The following JAK1 variants were observed in gnomAD, a reference collection of about 807,000 sequenced individuals.
JAK1 encodes tyrosine-protein kinase JAK1.
JAK1 carries 16 observed loss-of-function variants against 136.6 expected under a neutral mutation model. The ratio of observed to expected loss-of-function variants is 0.12; its 90% CI spans 0.08 to 0.18. The LOEUF is 0.18. Among genes scored for constraint, JAK1 ranks in the 10% least tolerant of loss-of-function variants. JAK1 has a pLI of 1.00. For synonymous variants in JAK1, 492 were observed against 519.5 expected (o/e 0.95, Z 0.72); for missense variants, 859 against 1,450.1 (o/e 0.59, Z 6.62).
intron 2 of JAK1, among the ~76,000 whole-genome samples, chr1:64,975,640 A>G (rs1646491576): frequency 6.6e-6 from 1 of 152,142 alleles, no homozygotes; most frequent in African/African-American, 2.4e-5. Flanking sequence ...GCAAGTCCTG[A>G]TGTTTTTTTG....
chr1:65,066,790 C>G (rs1336656257), intron 1 of JAK1: 1 of 152,956 alleles, frequency 6.5e-6, no homozygotes, highest in Non-Finnish European at 1.5e-5. Flanking sequence ...TCTTAGACTC[C>G]TCCCGCCGGA....
intron 1 of JAK1, among the ~76,000 whole-genome samples, chr1:64,923,607 T>C (rs958627709): frequency 1.3e-5 from 2 of 152,194 alleles, no homozygotes; most frequent in African/African-American, 2.4e-5. Context: ...ACTAAACCAC[T>C]GTAACCACTT....
intron 1 of JAK1, among the ~76,000 whole-genome samples, chr1:64,914,724 C>T (rs1459288330): frequency 2.0e-5 from 3 of 152,046 alleles, no homozygotes; most frequent in African/African-American, 4.8e-5. Context: ...CCACCATGCC[C>T]GGCTAATTTT....
chr1:65,003,829 A>G (rs1646782358), intron 2 of JAK1: 1 of 152,264 alleles, frequency 6.6e-6, no homozygotes, highest in South Asian at 2.1e-4. Flanking sequence ...AACAAAAAAG[A>G]AAACAGCAAT....
intron 1 of JAK1, among the ~76,000 whole-genome samples, chr1:64,900,993 G>T (rs549550031): frequency 2.0e-5 from 3 of 152,256 alleles, no homozygotes; most frequent in African/African-American, 7.2e-5. Context: ...TCCCAAGTGA[G>T]GCGTTCAGAG....
chr1:64,991,058 A>G (rs1219635778), intron 2 of JAK1, among the ~76,000 whole-genome samples: 1 of 152,154 alleles, frequency 6.6e-6, no homozygotes, highest in African/African-American at 2.4e-5. Flanking sequence ...TCAAAGAGCT[A>G]AAGGAAAATG....
Position 64,841,598 on chromosome 1 carries a change from C to G in JAK1, c.2407G>C (p.Glu803Gln), listed in dbSNP as rs1654912102. 1 of 1,613,832 alleles carries G rather than the reference C, an allele frequency of 6.2e-7. No individual in the cohort carries two copies. The highest frequency in any genetic ancestry group is 8.5e-7 in the Non-Finnish European group (1 of 1,180,040). Residue 803 changes from glutamate (E) to glutamine (Q), a missense_variant, in exon 18 of 25, where the codon GAG (glutamate) becomes CAG (glutamine). Around this residue, in one of 4 missense-constraint regions of JAK1, gnomAD observed 409 missense variants for 753.8 expected, o/e 0.54. Coordinates refer to ENST00000342505, the MANE Select transcript of JAK1 (RefSeq NM_002227.4). ...CTGCACCGGCTTTCATAGAATCTCT[C>G]TTTCTGTAAACAAGAGGGGCACATG... ...PLKDKTLIEK[E>Q]RFYESRCRPV...
chr1:64,985,280 AATG>A, intron 2 of JAK1: 1 of 1,609,382 alleles, frequency 6.2e-7, no homozygotes, highest in East Asian at 2.2e-5. Context: ...GCATGATGGA[AATG>A]ATGATGGGCT....
intron 1 of JAK1, among the ~76,000 whole-genome samples, chr1:64,914,254 A>C (rs1645353115): frequency 6.6e-6 from 1 of 152,224 alleles, no homozygotes. Flanking sequence ...GGGATTCAAA[A>C]ATAAACACGA....
At position 64,941,480 on chromosome 1, in the gene JAK1, A is replaced by G. The variant is rs1372303054; in HGVS notation, c.-78+24853T>C. Among the ~76,000 whole-genome samples the G allele has an allele frequency of 3.9e-5, 6 of 152,308 alleles. No individual in the cohort carries two copies. The East Asian group carries it at 1.2e-3, about 29-fold the overall frequency. On this transcript the variant is annotated intron_variant, in intron 1 of 24. Coordinates refer to ENST00000342505, the MANE Select transcript of JAK1 (RefSeq NM_002227.4). ...AAAACAAAGATGATTTATCTTGACC[A>G]ATCAAATATTTTAGGGACCAAAAAA...
intron 2 of JAK1, among the ~76,000 whole-genome samples, chr1:65,029,314 G>T (rs1647003964): frequency 6.6e-6 from 1 of 152,080 alleles, no homozygotes; most frequent in Admixed American, 6.6e-5. Context: ...TGCCCAGGCT[G>T]GTCTTAAACT....
chr1:64,919,215 G>A (rs1645452754), intron 1 of JAK1, among the ~76,000 whole-genome samples: 1 of 152,074 alleles, frequency 6.6e-6, no homozygotes, highest in Non-Finnish European at 1.5e-5. Context: ...CTCTTCCTGT[G>A]TCCAAGTGTT....
intron 19 of JAK1, among the ~76,000 whole-genome samples, chr1:64,840,694 T>G (rs970042134): frequency 1.3e-5 from 2 of 152,022 alleles, no homozygotes; most frequent in Non-Finnish European, 2.9e-5. Context: ...TTAGCCAGCA[T>G]GGGGGCGTGT....
intron 2 of JAK1, among the ~76,000 whole-genome samples, chr1:65,033,933 T>C (rs1647047878): frequency 6.6e-6 from 1 of 152,212 alleles, no homozygotes; most frequent in Non-Finnish European, 1.5e-5. Context: ...ATAATTACCT[T>C]GTGTAATTGT....
chr1:64,906,672 C>T (rs1384166648), intron 1 of JAK1, among the ~76,000 whole-genome samples: 1 of 152,206 alleles, frequency 6.6e-6, no homozygotes, highest in Non-Finnish European at 1.5e-5. Context: ...AGGGCTGTGA[C>T]AGTTTTGTTG....
chr1:64,963,278 T>A (rs1407983761), intron 1 of JAK1, among the ~76,000 whole-genome samples: 1 of 152,116 alleles, frequency 6.6e-6, no homozygotes, highest in Admixed American at 6.6e-5. Context: ...AGGATGTGAG[T>A]GTGCTTAAAT....
At chr1:64,852,326 C>T (rs759888868) in intron 11 of JAK1, among the ~76,000 whole-genome samples, 10 of 152,210 alleles carry the variant, frequency 6.6e-5, no homozygotes, top group Non-Finnish European at 8.8e-5. Context: ...GAGATGCTCT[C>T]GTCTCTACCC....
chr1:64,918,840 GA>G (rs900625678), intron 1 of JAK1, among the ~76,000 whole-genome samples: 6 of 151,542 alleles, frequency 4.0e-5, no homozygotes, highest in African/African-American at 1.5e-4. Context: ...ACTGAAACTT[GA>G]AAAAAAATCA....
intron 1 of JAK1, among the ~76,000 whole-genome samples, chr1:64,947,493 G>A (rs909273729): frequency 2.0e-5 from 3 of 152,122 alleles, no homozygotes; most frequent in Non-Finnish European, 4.4e-5. Flanking sequence ...CATTGTGGCA[G>A]AACATAAGAC....
Sources: gnomAD v4.1 joint callset for allele counts (sites outside exome capture counted in the v4.1 genomes callset) on GRCh38, gnomAD v4.1.1 for gene constraint, gnomAD v4.1.1 regional missense constraint, MANE v1.5 for transcripts, NCBI Gene and HGNC (gene_info 2026-07-23, HGNC 2026-07-21) for gene names.